TYW1: variants seen among roughly 807,000 people sequenced by gnomAD.
The protein encoded by TYW1 is S-adenosyl-L-methionine-dependent tRNA 4-demethylwyosine synthase TYW1.
A neutral mutation model predicts 96.2 loss-of-function variants in TYW1; 46 were observed. That is an observed-to-expected ratio of 0.48 (90% CI 0.38 to 0.61). The LOEUF is 0.61. Ranked by LOEUF, TYW1 falls within the 20% of genes least tolerant of loss-of-function variation. The probability of loss-of-function intolerance (pLI) is 0.00; values close to 1 mark genes in which losing one functional copy is unlikely to be tolerated. For missense variants in TYW1, 684 were observed against 909.6 expected (o/e 0.75, Z 3.19); for synonymous variants, 274 against 323.0 (o/e 0.85, Z 1.63).
chr7:67,112,818 G>A (rs536932187), intron 12 of TYW1, among the ~76,000 whole-genome samples: 1 of 152,196 alleles, frequency 6.6e-6, no homozygotes, highest in Middle Eastern at 3.4e-3. Flanking sequence ...ATGCAGAACG[G>A]TGCGCTGTGC....
intron 3 of TYW1, among the ~76,000 whole-genome samples, chr7:67,005,367 AGGTGG>A (rs1793538318): frequency 6.6e-6 from 1 of 152,172 alleles, no homozygotes; most frequent in East Asian, 1.9e-4. Context: ...AGGCCAAGGC[AGGTGG>A]ATCACTTGAG....
chr7:67,085,932 A>G (rs866417338), intron 11 of TYW1, among the ~76,000 whole-genome samples: 21 of 152,002 alleles, frequency 1.4e-4, no homozygotes, highest in African/African-American at 4.8e-4. Context: ...TTCACACTCC[A>G]CTGGACTCCA....
chr7:67,113,761 C>T (rs545987887), intron 12 of TYW1, among the ~76,000 whole-genome samples: 1 of 151,988 alleles, frequency 6.6e-6, no homozygotes, highest in South Asian at 2.1e-4. Flanking sequence ...CCTCAGCCTC[C>T]TGAGTAGCTG....
chr7:67,046,463 C>T (rs950263177), intron 7 of TYW1, among the ~76,000 whole-genome samples: 1 of 152,070 alleles, frequency 6.6e-6, no homozygotes, highest in African/African-American at 2.4e-5. Flanking sequence ...CTTGGCCACT[C>T]ATCTTTAAAT....
chr7:67,029,399 G>A lies in TYW1; in HGVS notation c.984+4377G>A, dbSNP rs1212638581. 9.3e-5 allele frequency among the ~76,000 whole-genome samples: 7 copies of A among 74,874 alleles called. 1 individual carries two copies. The East Asian group carries it at 3.3e-3, about 35-fold the overall frequency. The allele number at this position is 74,874 out of a possible 152,430, so 49.1% of individuals were successfully genotyped here. On this transcript the variant is annotated intron_variant, in intron 7 of 15. Coordinates refer to ENST00000359626, the MANE Select transcript of TYW1 (RefSeq NM_018264.4). ...TGTGTGTGCGTGTGTGTGTGTGTGT[G>A]TGTGTGTGTGTGTGTGTATATATAT...
intron 6 of TYW1, among the ~76,000 whole-genome samples, chr7:67,022,311 C>T (rs2129245508): frequency 6.6e-6 from 1 of 152,244 alleles, no homozygotes; most frequent in South Asian, 2.1e-4. Flanking sequence ...GGCAGATTTG[C>T]ATAGTAAAGA....
rs1258541199 is a variant in TYW1, at chr7:67,157,929, A to G, written c.1699-25197A>G. Among the ~76,000 whole-genome samples, 5 of 152,304 alleles carry G rather than the reference A, an allele frequency of 3.3e-5. No homozygotes were observed. The East Asian group carries it at 9.6e-4, about 29-fold the overall frequency. On this transcript the variant is annotated intron_variant, in intron 13 of 15. Coordinates refer to ENST00000359626, the MANE Select transcript of TYW1 (RefSeq NM_018264.4). ...TATATTAAGGCTCATTCTTTGTGCT[A>G]TAAAGTTCTGTGATTTTGATTAGTA...
intron 15 of TYW1, among the ~76,000 whole-genome samples, chr7:67,231,471 C>T (rs1584724643): frequency 1.3e-5 from 2 of 152,328 alleles, no homozygotes; most frequent in East Asian, 3.9e-4. Flanking sequence ...TAGGAGATTC[C>T]TAAGAAACTG....
chr7:67,139,846 C>G (rs1332152708), intron 13 of TYW1, among the ~76,000 whole-genome samples: 1 of 150,782 alleles, frequency 6.6e-6, no homozygotes, highest in Non-Finnish European at 1.5e-5. Flanking sequence ...TTAAAATTAT[C>G]TTTTTTTGTG....
chr7:67,096,202 A>T (rs578132649), intron 11 of TYW1, among the ~76,000 whole-genome samples: 1 of 152,364 alleles, frequency 6.6e-6, no homozygotes, highest in African/African-American at 2.4e-5. Context: ...ATCCTGGCCA[A>T]CATGGTGAAA....
chr7:67,079,201 T>TG (rs1563001300), intron 10 of TYW1, among the ~76,000 whole-genome samples: 39 of 149,678 alleles, frequency 2.6e-4, no homozygotes, highest in Non-Finnish European at 4.9e-4. Flanking sequence ...TGTGTGTGTG[T>TG]TTTAGGTTTG....
intron 12 of TYW1, among the ~76,000 whole-genome samples, chr7:67,108,186 A>G (rs894733149): frequency 6.6e-6 from 1 of 151,986 alleles, no homozygotes; most frequent in African/African-American, 2.4e-5. Context: ...CAAGATGGAC[A>G]TTTCTTAATA....
intron 15 of TYW1, among the ~76,000 whole-genome samples, chr7:67,237,499 CA>C (rs386410332): frequency 0.086 from 8,478 of 98,762 alleles, 377 homozygotes; most frequent in East Asian, 0.25. Flanking sequence ...GACTCTGTCT[CA>C]AAAAAAAAAA....
rs34475001 is a variant in TYW1 at position 67,006,948 on chromosome 7, C to CTTTTTTTTTTTT, written c.274-2617_274-2606dup. On this transcript the variant is annotated intron_variant, in intron 3 of 15. Coordinates refer to ENST00000359626, the MANE Select transcript of TYW1 (RefSeq NM_018264.4). ...CAAAACAGTAGGGAGAGATGTGAGG[C>CTTTTTTTTTTTT]TTTTTTTTTTTTTTTTTTTTTTTTT... Among the ~76,000 whole-genome samples, 95 of 45,142 alleles carry CTTTTTTTTTTTT rather than the reference C, an allele frequency of 2.1e-3. 11 individuals carry two copies. The highest frequency in any genetic ancestry group is 3.2e-3 in the Non-Finnish European group (86 of 27,180). 29.6% of individuals were successfully genotyped at this position (45,142 alleles called of 152,430 possible).
intron 9 of TYW1, among the ~76,000 whole-genome samples, chr7:67,065,283 A>G (rs1424855852): frequency 2.0e-5 from 3 of 152,118 alleles, no homozygotes; most frequent in Admixed American, 6.6e-5. Flanking sequence ...AACCTTAAAT[A>G]CCTCATTAAA....
chr7:67,145,426 G>A (rs1476198918), intron 13 of TYW1, among the ~76,000 whole-genome samples: 1 of 152,164 alleles, frequency 6.6e-6, no homozygotes, highest in East Asian at 1.9e-4. Flanking sequence ...TGGGATTACA[G>A]GCGTGAGCCA....
chr7:67,204,339 T>C (rs1800698707), intron 15 of TYW1, among the ~76,000 whole-genome samples: 2 of 152,180 alleles, frequency 1.3e-5, no homozygotes, highest in Admixed American at 1.3e-4. Context: ...TAACTTTAGA[T>C]TGATTCATTC....
chr7:67,148,656 C>G (rs1347858556), intron 13 of TYW1, among the ~76,000 whole-genome samples: 1 of 152,032 alleles, frequency 6.6e-6, no homozygotes, highest in African/African-American at 2.4e-5. Flanking sequence ...TGGTCTCGAT[C>G]TCCTGACCTC....
At chr7:67,220,696 T>G (rs6944968) in intron 15 of TYW1, among the ~76,000 whole-genome samples, 40,383 of 151,662 alleles carry the variant, frequency 0.27, 5,724 homozygotes, top group African/African-American at 0.36. Flanking sequence ...TAAATCAAGT[T>G]GGCTTATCGT....
Sources: allele counts gnomAD v4.1 joint callset (sites outside exome capture counted in the v4.1 genomes callset), GRCh38; gene constraint gnomAD v4.1.1; transcripts MANE v1.5; gene names NCBI Gene and HGNC (gene_info 2026-07-23, HGNC 2026-07-21).